HMCN2: variants seen among roughly 807,000 people sequenced by gnomAD.
The protein encoded by HMCN2 is hemicentin-2.
A neutral mutation model predicts 377.5 loss-of-function variants in HMCN2; 325 were observed. The ratio of observed to expected loss-of-function variants is 0.86; its 90% CI spans 0.79 to 0.94. The LOEUF (loss-of-function observed/expected upper bound fraction) is 0.94, where lower values mean the gene tolerates loss of function less well. Ranked by LOEUF, HMCN2 falls within the 40% of genes least tolerant of loss-of-function variation. The pLI, the probability that HMCN2 is intolerant of heterozygous loss-of-function variation, is 0.00. For synonymous variants in HMCN2, 2,007 were observed against 2,046.8 expected, an observed-to-expected ratio of 0.98 and a Z score of 0.53; for missense variants, 4,543 against 4,725.3, an observed-to-expected ratio of 0.96 and a Z score of 1.13.
At chr9:130,300,263 C>T (rs1399886415) in intron 8 of HMCN2, among the ~76,000 whole-genome samples, 8 of 152,194 alleles carry the variant, frequency 5.3e-5, no homozygotes, top group Non-Finnish European at 1.0e-4. Flanking sequence ...TCCACCCATT[C>T]GTCCACCCAC....
rs1427303147 is a variant in HMCN2 at position 130,402,852 on chromosome 9, A to G, written c.11834A>G (p.Asn3945Ser). Residue 3945 changes from asparagine (N) to serine (S), a missense_variant, in exon 78 of 98, where the codon AAC becomes AGC. Around this residue, in one of 5 missense-constraint regions of HMCN2, gnomAD observed 1,073 missense variants for 1,319.5 expected, o/e 0.81. Coordinates refer to ENST00000683500, the MANE Select transcript of HMCN2 (RefSeq NM_001291815.2). ...GGCCGCTACACCTGCTCAGCCCGCA[A>G]CTCTGCCGGCGTAGCCCACAAGCAC... ...HAGRYTCSAR[N>S]SAGVAHKHVF... is the part of the protein sequence containing the mutation. 19 of 1,289,458 alleles carry G rather than the reference A, an allele frequency of 1.5e-5. No individual in the cohort carries two copies. Among genetic ancestry groups the G allele is most frequent in the South Asian group, 3.7e-5 (3 of 81,012 alleles). The allele number at this position is 1,289,458 out of a possible 1,614,324, so 79.9% of individuals were successfully genotyped here.
intron 73 of HMCN2, among the ~76,000 whole-genome samples, chr9:130,396,849 A>T (rs902275028): frequency 1.3e-5 from 2 of 152,114 alleles, no homozygotes; most frequent in African/African-American, 4.8e-5. Flanking sequence ...CATTTTTCAG[A>T]TCTAGGGGCT....
intron 11 of HMCN2, 70 bp downstream of exon 11, chr9:130,305,072 G>T: frequency 2.3e-6 from 1 of 431,766 alleles, no homozygotes; most frequent in Non-Finnish European, 4.9e-6. Context: ...CAGAAGCCGC[G>T]AGTCCTTCCC....
chr9:130,364,096 A>C (rs1437246159), intron 40 of HMCN2, among the ~76,000 whole-genome samples: 1 of 152,246 alleles, frequency 6.6e-6, no homozygotes, highest in Non-Finnish European at 1.5e-5. Context: ...GCTGGAGTGA[A>C]GATGGTGGTT....
intron 19 of HMCN2, among the ~76,000 whole-genome samples, chr9:130,325,251 A>G (rs1010703357): frequency 6.3e-4 from 96 of 151,432 alleles, no homozygotes; most frequent in African/African-American, 2.2e-3. Context: ...ATGCACCACC[A>G]TGCACAGCTA....
chr9:130,403,329 G>T lies in HMCN2; in HGVS notation c.12013+1G>T. On this transcript the variant is annotated splice_donor_variant, in intron 79 of 97. Transcript: ENST00000683500. LOFTEE classifies it high-confidence loss of function. ...AAGGAAGGGCTCAACGTCGCTACTG[G>T]TGAGGGCCCCTGGCAGCCAGCCTGG... 3.1e-6 allele frequency: 4 copies of T among 1,289,888 alleles called. No individual in the cohort carries two copies. The highest frequency in any genetic ancestry group is 4.0e-6 in the Non-Finnish European group (4 of 988,884). The allele number at this position is 1,289,888 out of a possible 1,614,324, so 79.9% of individuals were successfully genotyped here. A position where few individuals can be genotyped will look rare whatever the true frequency, so the allele number is the denominator to read the frequency against.
At chr9:130,398,369 G>A (rs1233234513) in intron 74 of HMCN2, among the ~76,000 whole-genome samples, 182 bp from the exon 75 acceptor site, 1 of 152,042 alleles carries the variant, frequency 6.6e-6, no homozygotes, top group East Asian at 1.9e-4. Flanking sequence ...CAGGGATGGG[G>A]AAAGCCCAAA....
At position 130,354,932 on chromosome 9, in the gene HMCN2, C is replaced by T. The variant is rs142117460; in HGVS notation, c.5034C>T (p.Asp1678=). Residue 1678 remains aspartate (D), a synonymous_variant, in exon 32 of 98, where the codon GAC becomes GAT. Coordinates refer to ENST00000683500, the MANE Select transcript of HMCN2 (RefSeq NM_001291815.2). ...AESNESRLET[D]GSVLRLESPG... ...GCAACGAGTCGCGGCTGGAGACAGA[C>T]GGGAGTGTGCTGAGGCTGGAGAGCC... 3.4e-3 allele frequency: 4,373 copies of T among 1,303,718 alleles called. 18 individuals are homozygous for T. Among genetic ancestry groups the T allele is most frequent in the Non-Finnish European group, 3.9e-3 (3,817 of 988,922 alleles). The allele number at this position is 1,303,718 out of a possible 1,614,324, so 80.8% of individuals were successfully genotyped here. A position where few individuals can be genotyped will look rare whatever the true frequency, so the allele number is the denominator to read the frequency against.
rs756286157 is a variant in HMCN2, at chr9:130,428,480, G to A, written c.14188G>A (p.Gly4730Ser). ...GPGFRVADGA[G>S]CEDVDECLEG... ...TGGCTTCCGGGTGGCTGATGGGGCC[G>A]GCTGTGAAGGTGATGGGGGCACAGC... The change falls in exon 93 of 98, where the codon GGC (glycine) becomes AGC (serine). Residue 4730 changes from glycine (G) to serine (S), a missense_variant. Coordinates refer to ENST00000683500, the MANE Select transcript of HMCN2 (RefSeq NM_001291815.2). This position sits in a 1 kb window ranked among gnomAD's most constrained non-coding sequence, Gnocchi z 5.0. 142 of 1,540,738 alleles carry A rather than the reference G, an allele frequency of 9.2e-5. No individual in the cohort carries two copies. The highest frequency in any genetic ancestry group is 1.0e-4 in the Non-Finnish European group (119 of 1,146,902).
chr9:130,386,344 C>G, intron 60 of HMCN2, 99 bp from the exon 61 acceptor site: 1 of 607,480 alleles, frequency 1.6e-6, no homozygotes, highest in South Asian at 1.8e-5. Flanking sequence ...TTGGGAGGCC[C>G]CTGCTCTGGA....
chr9:130,289,286 G>A (rs1050958912), intron 4 of HMCN2, among the ~76,000 whole-genome samples: 1 of 152,202 alleles, frequency 6.6e-6, no homozygotes, highest in African/African-American at 2.4e-5. Context: ...CCTGTGTTCT[G>A]TGCATCTGCT....
At chr9:130,339,264 G>C (rs1025399423) in intron 23 of HMCN2, among the ~76,000 whole-genome samples, 1 of 152,190 alleles carries the variant, frequency 6.6e-6, no homozygotes, top group Non-Finnish European at 1.5e-5. Flanking sequence ...TTATCTATGT[G>C]CTGCCTGTGG....
At position 130,360,852 on chromosome 9, in the gene HMCN2, CCCAT is replaced by C. The variant is rs1013334521; in HGVS notation, c.5950+258_5950+261del. 2.6e-5 allele frequency among the ~76,000 whole-genome samples: 4 copies of C among 151,206 alleles called. No homozygotes were observed. The highest frequency in any genetic ancestry group is 7.3e-5 in the African/African-American group (3 of 41,118). The stretch of plus-strand genomic sequence containing the variant: ...ACCCATCCACTCATCCACCTATCCA[CCCAT>C]CCATCCATCAACTCATCTATCCATC... On this transcript the variant is annotated intron_variant, in intron 38 of 97. Coordinates refer to ENST00000683500, the MANE Select transcript of HMCN2 (RefSeq NM_001291815.2). This position sits in a 1 kb window ranked among gnomAD's most constrained non-coding sequence, Gnocchi z 4.7.
In HMCN2 at chr9:130,394,454, T is replaced by G. The variant is rs1030620534; in HGVS notation, c.10571T>G (p.Leu3524Arg). Residue 3524 changes from leucine (L) to arginine (R), a missense_variant, in exon 69 of 98, where the codon CTC (leucine) becomes CGC (arginine). Physicochemically the swap from Leu to Arg is moderately radical, Grantham distance 102. Transcript: ENST00000683500. This position sits in a 1 kb window ranked among gnomAD's most constrained non-coding sequence, Gnocchi z 5.1. The stretch of plus-strand genomic sequence containing the variant: ...CTGACCCCCGGCGCCCCCATGGAGC[T>G]CCTCTGTGATGCCCAGGGCACCCCC... ...LSLTPGAPMELLCDAQGTPQP... is the reference protein window; with the variant it reads ...LSLTPGAPMERLCDAQGTPQP... The G allele has an allele frequency of 2.3e-6, 3 of 1,289,740 alleles. No individual in the cohort carries two copies. Among genetic ancestry groups the G allele is most frequent in the African/African-American group, 1.5e-5 (1 of 65,964 alleles). 79.9% of individuals were successfully genotyped at this position (1,289,740 alleles called of 1,614,324 possible). A position where few individuals can be genotyped will look rare whatever the true frequency, so the allele number is the denominator to read the frequency against.
rs912824266 is a variant in HMCN2, at chr9:130,386,417, G to A, written c.9310-26G>A. The A allele has an allele frequency of 1.0e-5, 13 of 1,293,310 alleles. No homozygotes were observed. The African/African-American group carries it at 1.7e-4, about 17-fold the overall frequency. The allele number at this position is 1,293,310 out of a possible 1,614,324, so 80.1% of individuals were successfully genotyped here. On this transcript the variant is annotated intron_variant, in intron 60 of 97. Transcript: ENST00000683500. ...ACCCCACTTCCAGCTCCAGCACACA[G>A]CCACTGTGTGCTCTTCCTCTTTCAG...
intron 61 of HMCN2, among the ~76,000 whole-genome samples, chr9:130,387,893 A>T (rs556947406): frequency 2.0e-5 from 3 of 152,240 alleles, no homozygotes; most frequent in Non-Finnish European, 4.4e-5. Flanking sequence ...ACTGGGCGAC[A>T]TAGTGAGAAG....
chr9:130,317,478 TCTCTC>T (rs1588232687), intron 15 of HMCN2, among the ~76,000 whole-genome samples: 7 of 131,384 alleles, frequency 5.3e-5, no homozygotes, highest in Non-Finnish European at 1.1e-4. Context: ...TCTCTCTCTC[TCTCTC>T]TCTCTCTCTC....
At position 130,361,473 on chromosome 9, in the gene HMCN2, C is replaced by T. The variant is rs1174084297; in HGVS notation, c.5951-535C>T. 6.6e-6 allele frequency among the ~76,000 whole-genome samples: 1 copy of T among 152,166 alleles called. No homozygotes were observed. The highest frequency in any genetic ancestry group is 1.5e-5 in the Non-Finnish European group (1 of 68,026). ...GATGGTGCTGGTGGCCATATGGAGG[C>T]TGGACCTCTTGGGCCTCATGGGCCA... On this transcript the variant is annotated intron_variant, in intron 38 of 97. Transcript: ENST00000683500. The surrounding 1 kb of genome is among the most constrained non-coding windows in gnomAD (Gnocchi z 4.8).
chr9:130,292,173 C>A (rs1476865089), intron 4 of HMCN2, among the ~76,000 whole-genome samples: 1 of 152,150 alleles, frequency 6.6e-6, no homozygotes, highest in East Asian at 1.9e-4. Flanking sequence ...AGTGTCTGAG[C>A]ATCCTACTAT....
Sources: gnomAD v4.1 joint callset for allele counts (sites outside exome capture counted in the v4.1 genomes callset) on GRCh38, gnomAD v4.1.1 for gene constraint, gnomAD v4.1.1 regional missense constraint, Gnocchi (gnomAD v3.1) non-coding constraint, MANE v1.5 for transcripts, NCBI Gene and HGNC (gene_info 2026-07-23, HGNC 2026-07-21) for gene names.